Variants in SYTL5 observed in about 807,000 individuals in gnomAD.
SYTL5 encodes the protein synaptotagmin-like protein 5.
Under a neutral mutation model 55.9 loss-of-function variants are expected in SYTL5, and 34 were observed. The ratio of observed to expected loss-of-function variants is 0.61; its 90% confidence interval spans 0.46 to 0.81. The LOEUF (loss-of-function observed/expected upper bound fraction) is 0.81, where lower values mean the gene tolerates loss of function less well. Among genes scored for constraint, SYTL5 ranks in the 30% least tolerant of loss-of-function variants. SYTL5 has a pLI of 0.00. For synonymous variants in SYTL5, 221 were observed against 188.7 expected (o/e 1.17, Z -1.40); for missense variants, 637 against 546.7 (o/e 1.17, Z -1.65).
the SYTL5 span, among the ~76,000 whole-genome samples, chrX:37,977,256 AAT>A: frequency 9.0e-6 from 1 of 110,500 alleles, no homozygotes. Context: ...AAGAAGAGAA[AAT>A]ATCTGCCTAG....
At chrX:38,005,385 A>T (rs1316949562), upstream of SYTL5, among the ~76,000 whole-genome samples, 2 of 111,895 alleles carry the variant, frequency 1.8e-5, no homozygotes, top group Admixed American at 9.5e-5. Flanking sequence ...AGACCCAAAA[A>T]TGTCCAGTTG....
chrX:37,903,399 A>G, the SYTL5 span, among the ~76,000 whole-genome samples: 1 of 108,413 alleles, frequency 9.2e-6, no homozygotes, highest in African/African-American at 3.4e-5. Flanking sequence ...TGTCCTTTGT[A>G]GGGACATGGA....
chrX:38,122,027 T>C, intron 14 of SYTL5, 53 bp from the exon 15 acceptor site: 1 of 1,082,235 alleles, frequency 9.2e-7, no homozygotes, highest in Non-Finnish European at 1.2e-6. Context: ...TCATGATTTA[T>C]CTATTTTTTT....
rs192323424 is a variant in SYTL5 at position 38,068,834 on chromosome X, C to A, written c.330-3213C>A. Among the ~76,000 whole-genome samples the A allele has an allele frequency of 6.6e-4, 73 of 110,811 alleles. No homozygotes were observed. In the East Asian group the frequency reaches 0.017, roughly 26 times the overall value. The stretch of plus-strand genomic sequence containing the variant: ...GATACTATGTTCAGTACCTAGGCAA[C>A]GGGATCGTTTATACCCCAACCCTCA... On this transcript the variant is annotated intron_variant, in intron 3 of 16. Transcript: ENST00000297875.
intron 3 of SYTL5, among the ~76,000 whole-genome samples, chrX:38,055,149 G>A (rs1253228779): frequency 9.0e-6 from 1 of 111,724 alleles, no homozygotes; most frequent in African/African-American, 3.3e-5. Flanking sequence ...TGGCAATATG[G>A]TTCTCACATG....
chrX:37,935,845 A>G, the SYTL5 span, among the ~76,000 whole-genome samples: 1 of 112,576 alleles, frequency 8.9e-6, no homozygotes, highest in Non-Finnish European at 1.9e-5. Context: ...ACAAAAAGGC[A>G]TAAGGCATAT....
chrX:37,892,859 C>G, the SYTL5 span, among the ~76,000 whole-genome samples: 1 of 84,833 alleles, frequency 1.2e-5, no homozygotes, highest in Non-Finnish European at 2.2e-5. Context: ...ACATACCACA[C>G]TCTATACTAT....
Position 38,074,184 on chromosome X carries a change from T to G in SYTL5, c.554+486T>G, listed in dbSNP as rs150712362. Reference sequence around the variant, plus strand: ...ACATTTGGCCACCACAGTAACTTAGTTCAGTAAATGAATACAGAATATGGA... The same window carrying G: ...ACATTTGGCCACCACAGTAACTTAGGTCAGTAAATGAATACAGAATATGGA... On this transcript the variant is annotated intron_variant, in intron 5 of 16. Transcript: ENST00000297875. 8.9e-5 allele frequency among the ~76,000 whole-genome samples: 10 copies of G among 111,980 alleles called. No homozygotes were observed. The East Asian group carries it at 2.8e-3, about 31-fold the overall frequency.
In SYTL5 at chrX:38,062,058, C is replaced by A. The variant is rs181940796; in HGVS notation, c.329+7636C>A. On this transcript the variant is annotated intron_variant, in intron 3 of 16. Transcript: ENST00000297875. ...TCTCGACTCACTACAGCCTCTGCCT[C>A]CCAGGTTCAAGTGATTCTCCTGCCT... is the stretch of plus-strand genomic sequence containing the variant. Among the ~76,000 whole-genome samples, 741 of 110,745 alleles carry A rather than the reference C, an allele frequency of 6.7e-3. 11 individuals are homozygous for A. The highest frequency in any genetic ancestry group is 0.046 in the Admixed American group (478 of 10,364).
chrX:37,981,615 A>G, the SYTL5 span, among the ~76,000 whole-genome samples: 1 of 111,661 alleles, frequency 9.0e-6, no homozygotes, highest in Admixed American at 9.5e-5. Flanking sequence ...AATTTTAAAC[A>G]TTGACCTAGG....
At chrX:37,989,236 G>A in the SYTL5 span, among the ~76,000 whole-genome samples, 1 of 111,884 alleles carries the variant, frequency 8.9e-6, no homozygotes, top group African/African-American at 3.2e-5. Context: ...GATTTTCTAT[G>A]AGGGATCTTG....
intron 7 of SYTL5, among the ~76,000 whole-genome samples, chrX:38,091,969 G>A (rs1311028137): frequency 9.0e-6 from 1 of 111,571 alleles, no homozygotes; most frequent in Non-Finnish European, 1.9e-5. Context: ...AATCTAGCTG[G>A]TCTAAGCTGG....
the SYTL5 span, among the ~76,000 whole-genome samples, chrX:37,974,652 T>G: frequency 8.9e-6 from 1 of 112,829 alleles, no homozygotes; most frequent in African/African-American, 3.2e-5. Flanking sequence ...GGTAAAGTGT[T>G]AACATTTGGG....
At position 38,126,586 on chromosome X, in the gene SYTL5, A is replaced by G; in HGVS notation, c.2051-2A>G. ...TAAAATTTTCCCGTTTCGCCTCTTC[A>G]GGTGTGAGCCATGGGAAGAACGTGG... On this transcript the variant is annotated splice_acceptor_variant, in intron 16 of 16. Transcript: ENST00000297875. LOFTEE classifies it high-confidence loss of function. 8.3e-7 allele frequency: 1 copy of G among 1,211,078 alleles called. No individual in the cohort carries two copies. The highest frequency in any genetic ancestry group is 1.1e-6 in the Non-Finnish European group (1 of 895,138).
chrX:37,919,902 A>T, the SYTL5 span, among the ~76,000 whole-genome samples: 66 of 112,080 alleles, frequency 5.9e-4, 1 homozygote, highest in East Asian at 0.013. Flanking sequence ...TTTTAAATTA[A>T]TCTGGGTGAG....
At chrX:38,076,525 T>C in intron 5 of SYTL5, 42 bp from the exon 6 acceptor site, 1 of 985,435 alleles carries the variant, frequency 1.0e-6, no homozygotes, top group Non-Finnish European at 1.4e-6. Flanking sequence ...TTTTAAATGC[T>C]TTCTTTCTTA....
chrX:38,063,949 C>T, intron 3 of SYTL5, among the ~76,000 whole-genome samples: 1 of 110,780 alleles, frequency 9.0e-6, no homozygotes, highest in Middle Eastern at 4.7e-3. Context: ...TAGGTAGTAA[C>T]TAGCATTAAA....
the SYTL5 span, among the ~76,000 whole-genome samples, chrX:37,982,250 T>C: frequency 8.9e-6 from 1 of 111,906 alleles, no homozygotes; most frequent in African/African-American, 3.2e-5. Flanking sequence ...AGGAACCAAA[T>C]TGAAATTCTG....
intron 7 of SYTL5, 46 bp downstream of exon 7, chrX:38,089,633 C>G (rs1372578222): frequency 8.7e-7 from 1 of 1,143,851 alleles, no homozygotes; most frequent in Non-Finnish European, 1.2e-6. Flanking sequence ...CATTCTCACA[C>G]TGCTATAAAG....
Sources: allele counts gnomAD v4.1 joint callset (sites outside exome capture counted in the v4.1 genomes callset), GRCh38; gene constraint gnomAD v4.1.1; transcripts MANE v1.5; gene names NCBI Gene and HGNC (gene_info 2026-07-23, HGNC 2026-07-21).